SYNE1: variants seen among roughly 807,000 people sequenced by gnomAD.
SYNE1 encodes the protein nesprin-1.
A neutral mutation model predicts 1,111.0 loss-of-function variants in SYNE1; 616 were observed. The ratio of observed to expected loss-of-function variants is 0.55; its 90% CI spans 0.52 to 0.59. The LOEUF is 0.59. Among genes scored for constraint, SYNE1 ranks in the 20% least tolerant of loss-of-function variants. SYNE1 has a pLI of 0.00. For synonymous variants in SYNE1, 3,855 were observed against 3,825.8 expected (o/e 1.01, Z -0.28); for missense variants, 10,006 against 10,417.0 (o/e 0.96, Z 1.72).
At chr6:152,379,635 C>T (rs183899347) in intron 56 of SYNE1, among the ~76,000 whole-genome samples, 1 of 152,090 alleles carries the variant, frequency 6.6e-6, no homozygotes, top group Non-Finnish European at 1.5e-5. Context: ...TAAAAGAAAA[C>T]ATGAATATTG....
rs1204869351 is a variant in SYNE1, at chr6:152,330,823, G to C, written c.13862C>G (p.Thr4621Arg). 16 of 1,613,930 alleles carry C rather than the reference G, an allele frequency of 9.9e-6. No homozygotes were observed. Among genetic ancestry groups the C allele is most frequent in the Non-Finnish European group, 1.1e-5 (13 of 1,180,020 alleles). ...TATGGTCTGCCCAGTTCTCTGCAGC[G>C]TAAGTAGAAGATTTTCATATTCTGG... ...QSPEYENLLL[T>R]LQRTGQTILP... The change falls in exon 78 of 146, where the codon ACG (threonine) becomes AGG (arginine). Residue 4621 changes from threonine to arginine, a missense_variant. Around this residue, in one of 7 missense-constraint regions of SYNE1, gnomAD observed 4,955 missense variants for 5,017.2 expected, o/e 0.99. Coordinates refer to ENST00000367255, the MANE Select transcript of SYNE1 (RefSeq NM_182961.4).
intron 112 of SYNE1, among the ~76,000 whole-genome samples, chr6:152,232,805 A>G (rs1197663496): frequency 6.6e-6 from 1 of 152,242 alleles, no homozygotes; most frequent in Non-Finnish European, 1.5e-5. Context: ...AACATATCAC[A>G]CATTTATGCA....
At chr6:152,390,158 G>A (rs2097584976) in intron 53 of SYNE1, 122 bp downstream of exon 53, 4 of 1,014,944 alleles carry the variant, frequency 3.9e-6, no homozygotes, top group Non-Finnish European at 6.0e-6. Context: ...ACAAAGACAG[G>A]CATGCCTACA....
intron 101 of SYNE1, among the ~76,000 whole-genome samples, chr6:152,260,671 C>T (rs1588949310): frequency 6.6e-6 from 1 of 150,992 alleles, no homozygotes; most frequent in East Asian, 2.0e-4. Flanking sequence ...ACCAGCGATC[C>T]CCAACCTTTT....
chr6:152,309,558 C>G (rs574554575), intron 90 of SYNE1, among the ~76,000 whole-genome samples: 1 of 152,082 alleles, frequency 6.6e-6, no homozygotes, highest in Non-Finnish European at 1.5e-5. Context: ...GAGATAAAAA[C>G]ATGTAATTGC....
chr6:152,458,483 C>A (rs1439516628), intron 22 of SYNE1, among the ~76,000 whole-genome samples: 1 of 152,160 alleles, frequency 6.6e-6, no homozygotes, highest in Non-Finnish European at 1.5e-5. Flanking sequence ...TAACTTTGCT[C>A]AACTCAGTGA....
intron 93 of SYNE1, among the ~76,000 whole-genome samples, chr6:152,300,136 G>T (rs1212812753): frequency 6.6e-6 from 1 of 151,982 alleles, no homozygotes; most frequent in Non-Finnish European, 1.5e-5. Flanking sequence ...AATCTAGTAG[G>T]CATTCTAGTA....
intron 25 of SYNE1, among the ~76,000 whole-genome samples, chr6:152,451,535 T>G (rs1226711890): frequency 7.5e-6 from 1 of 133,458 alleles, no homozygotes; most frequent in Admixed American, 9.1e-5. Flanking sequence ...CAGGGTGGAG[T>G]ACAGTGGTGC....
intron 104 of SYNE1, among the ~76,000 whole-genome samples, chr6:152,251,005 G>C (rs189746556): frequency 6.6e-6 from 1 of 152,008 alleles, no homozygotes; most frequent in Non-Finnish European, 1.5e-5. Context: ...GCTGGAGTGC[G>C]GTGGCGCGAT....
intron 78 of SYNE1, among the ~76,000 whole-genome samples, chr6:152,327,244 C>A (rs868741086): frequency 2.0e-5 from 3 of 151,662 alleles, no homozygotes; most frequent in Admixed American, 6.6e-5. Flanking sequence ...GAGCTGAGAT[C>A]GTTTCACTGC....
intron 19 of SYNE1, 91 bp downstream of exon 19, chr6:152,463,262 G>C: frequency 6.4e-7 from 1 of 1,573,492 alleles, no homozygotes; most frequent in Non-Finnish European, 8.7e-7. Flanking sequence ...TAATAAACCC[G>C]TGCTCTAAAA....
At chr6:152,392,304 T>TA (rs1254142633) in intron 51 of SYNE1, among the ~76,000 whole-genome samples, 3 of 152,224 alleles carry the variant, frequency 2.0e-5, no homozygotes, top group Non-Finnish European at 2.9e-5. Context: ...TAGGAGCACT[T>TA]ATGAGCTTTC....
Position 152,331,746 on chromosome 6 carries a change from T to C in SYNE1, c.12939A>G (p.Leu4313=). 1 of 1,614,228 alleles carries C rather than the reference T, an allele frequency of 6.2e-7. No individual in the cohort carries two copies. Among genetic ancestry groups the C allele is most frequent in the Non-Finnish European group, 8.5e-7 (1 of 1,180,030 alleles). ...CTAAATGACTCGTCTGTTCTTTGAC[T>C]AACTCCTTGTCATCTAAATTCAGAT... The part of the protein sequence containing the change: ...IEHLNLDDKE[L]VKEQTSHLEQ... The change falls in exon 78 of 146, where the codon TTA becomes TTG. Residue 4313 remains leucine, a synonymous_variant. Coordinates refer to ENST00000367255, the MANE Select transcript of SYNE1 (RefSeq NM_182961.4).
intron 28 of SYNE1, among the ~76,000 whole-genome samples, 195 bp downstream of exon 28, chr6:152,449,338 C>T (rs927128523): frequency 1.3e-5 from 2 of 152,276 alleles, no homozygotes; most frequent in Non-Finnish European, 2.9e-5. Flanking sequence ...CATGACTAAC[C>T]CTCAAAGCTA....
chr6:152,398,460 T>C (rs1341499988), intron 49 of SYNE1, among the ~76,000 whole-genome samples, 159 bp downstream of exon 49: 1 of 152,220 alleles, frequency 6.6e-6, no homozygotes, highest in African/African-American at 2.4e-5. Flanking sequence ...AACATACTTA[T>C]CATGTTGTCT....
chr6:152,330,198 C>T lies in SYNE1; in HGVS notation c.14487G>A (p.Gly4829=). ...HSLAGSLQDS[G]IVLKRVTIHL... is the part of the protein sequence containing the mutation. ...GTATGGTTACTCGTTTCAGTACAATCCCTGAGTCCTGGAGACTTCCTGCCA... is the reference window on the plus strand; with the variant it reads ...GTATGGTTACTCGTTTCAGTACAATTCCTGAGTCCTGGAGACTTCCTGCCA... Residue 4829 remains glycine, a synonymous_variant, in exon 78 of 146, where the codon GGG becomes GGA. Transcript: ENST00000367255. 5 of 1,614,178 alleles carry T rather than the reference C, an allele frequency of 3.1e-6. No individual in the cohort carries two copies. Among genetic ancestry groups the T allele is most frequent in the Non-Finnish European group, 4.2e-6 (5 of 1,180,042 alleles).
intron 73 of SYNE1, 125 bp from the exon 74 acceptor site, chr6:152,344,352 A>T (rs2096593756): frequency 1.4e-6 from 2 of 1,422,018 alleles, no homozygotes; most frequent in Admixed American, 1.8e-5. Flanking sequence ...CTGCAATTTC[A>T]TCTAATATCT....
Position 152,255,730 on chromosome 6 carries a change from C to T in SYNE1, c.19121G>A (p.Arg6374Lys), listed in dbSNP as rs886044208. The change falls in exon 103 of 146, where the codon AGG becomes AAG. Residue 6374 changes from arginine (R) to lysine (K), a missense_variant. Physicochemically the swap from Arg to Lys is conservative, Grantham distance 26. Transcript: ENST00000367255. Reference protein sequence around the residue: ...EVSSQSGGAKRQSIHLEQKLY... With the variant: ...EVSSQSGGAKKQSIHLEQKLY... ...CTTCTGCTCCAAGTGTATACTCTGC[C>T]TCTTTGCCCCTCCACTCTGGGAAAC... The T allele has an allele frequency of 6.2e-7, 1 of 1,614,204 alleles. No homozygotes were observed. The highest frequency in any genetic ancestry group is 8.5e-7 in the Non-Finnish European group (1 of 1,180,040).
rs753393145 is a variant in SYNE1 at position 152,310,525 on chromosome 6, A to G, written c.16897-7T>C. 1.1e-5 allele frequency: 17 copies of G among 1,613,888 alleles called. No homozygotes were observed. The African/African-American group carries it at 2.1e-4, about 20-fold the overall frequency. ...CTTCAAATTTTTTCATATCCTAGAG[A>G]GTCAATATCAATGTATTGTACTTGA... On this transcript the variant is annotated splice_polypyrimidine_tract_variant and splice_region_variant and intron_variant, in intron 88 of 145. Coordinates refer to ENST00000367255, the MANE Select transcript of SYNE1 (RefSeq NM_182961.4).
Sources: allele counts gnomAD v4.1 joint callset (sites outside exome capture counted in the v4.1 genomes callset), GRCh38; gene constraint gnomAD v4.1.1; regional missense constraint gnomAD v4.1.1; transcripts MANE v1.5; gene names NCBI Gene and HGNC (gene_info 2026-07-23, HGNC 2026-07-21).